The following GPC6 variants were observed in gnomAD, a reference collection of about 807,000 sequenced individuals.
The protein encoded by GPC6 is glypican 6, also known as glypican-6.
A neutral mutation model predicts 55.2 loss-of-function variants in GPC6; 14 were observed. The ratio of observed to expected loss-of-function variants is 0.25; its 90% CI spans 0.17 to 0.40. GPC6 has a LOEUF of 0.40. Among genes scored for constraint, GPC6 ranks in the 10% least tolerant of loss-of-function variants. The pLI, the probability that GPC6 is intolerant of heterozygous loss-of-function variation, is 1.00. For missense variants in GPC6, 641 were observed against 708.5 expected, an observed-to-expected ratio of 0.90 and a Z score of 1.08; for synonymous variants, 278 against 259.6, an observed-to-expected ratio of 1.07 and a Z score of -0.68.
intron 2 of GPC6, among the ~76,000 whole-genome samples, chr13:93,684,025 G>A (rs72641695): frequency 6.6e-6 from 1 of 152,094 alleles, no homozygotes; most frequent in Non-Finnish European, 1.5e-5. Context: ...CATTGATGAG[G>A]GCTCCATTCT....
intron 1 of GPC6, among the ~76,000 whole-genome samples, chr13:93,350,086 C>T (rs571239915): frequency 6.6e-4 from 101 of 152,090 alleles, no homozygotes; most frequent in African/African-American, 2.4e-3. Context: ...TAGGCTGATC[C>T]CAGGGAAGTA....
At chr13:94,372,934 G>A (rs540068902) in intron 6 of GPC6, among the ~76,000 whole-genome samples, 25 of 152,274 alleles carry the variant, frequency 1.6e-4, no homozygotes, top group Non-Finnish European at 2.9e-4. Flanking sequence ...TAACTGGGAG[G>A]CACCCCCCAG....
chr13:93,958,298 A>G (rs1879604050), intron 3 of GPC6, among the ~76,000 whole-genome samples: 2 of 152,020 alleles, frequency 1.3e-5, no homozygotes, highest in East Asian at 1.9e-4. Flanking sequence ...AAAGAAGAAT[A>G]TTTTCTAGGT....
At chr13:93,809,171 T>C (rs574607603) in intron 2 of GPC6, among the ~76,000 whole-genome samples, 88 of 152,276 alleles carry the variant, frequency 5.8e-4, no homozygotes, top group South Asian at 2.1e-4. Context: ...TTCTTTCCAC[T>C]CCTCAGATCT....
intron 2 of GPC6, among the ~76,000 whole-genome samples, chr13:93,707,741 G>A (rs1347165499): frequency 2.9e-4 from 44 of 151,828 alleles, no homozygotes; most frequent in Admixed American, 2.7e-3. Context: ...GTCATTCTGC[G>A]ATATGTAAGA....
intron 1 of GPC6, among the ~76,000 whole-genome samples, chr13:93,251,331 A>T (rs192079356): frequency 7.6e-4 from 116 of 152,320 alleles, no homozygotes; most frequent in African/African-American, 2.5e-3. Flanking sequence ...TACTAAAGAG[A>T]TGATGTAACA....
At chr13:93,533,503 A>G (rs1244392282) in intron 1 of GPC6, among the ~76,000 whole-genome samples, 2 of 152,182 alleles carry the variant, frequency 1.3e-5, no homozygotes, top group African/African-American at 4.8e-5. Flanking sequence ...GGGAATTTCA[A>G]TAATTCTAGG....
intron 4 of GPC6, among the ~76,000 whole-genome samples, chr13:94,236,998 C>T (rs1594085632): frequency 6.6e-6 from 1 of 151,524 alleles, no homozygotes; most frequent in African/African-American, 2.4e-5. Flanking sequence ...TGTTCACAGG[C>T]CTTAAAGGCA....
chr13:94,092,999 A>G (rs1885545715), intron 4 of GPC6, among the ~76,000 whole-genome samples: 1 of 152,088 alleles, frequency 6.6e-6, no homozygotes, highest in Non-Finnish European at 1.5e-5. Flanking sequence ...TAAGTTCCTT[A>G]TATATTTGGG....
intron 4 of GPC6, among the ~76,000 whole-genome samples, chr13:94,247,237 A>T (rs918527148): frequency 6.6e-6 from 1 of 152,122 alleles, no homozygotes; most frequent in African/African-American, 2.4e-5. Context: ...TAGATGTAAT[A>T]GTTGTTTGGT....
chr13:94,356,880 C>A (rs941559613), intron 6 of GPC6, among the ~76,000 whole-genome samples: 1 of 152,036 alleles, frequency 6.6e-6, no homozygotes, highest in African/African-American at 2.4e-5. Context: ...CTGGCCTGAA[C>A]AACAGAGTGA....
chr13:94,147,789 C>T (rs1434427929), intron 4 of GPC6, among the ~76,000 whole-genome samples: 2 of 152,142 alleles, frequency 1.3e-5, no homozygotes, highest in Non-Finnish European at 2.9e-5. Flanking sequence ...TAAGTGAATA[C>T]ATGCTCCACA....
chr13:94,104,223 G>A (rs1885972252), intron 4 of GPC6, among the ~76,000 whole-genome samples: 1 of 152,058 alleles, frequency 6.6e-6, no homozygotes, highest in Admixed American at 6.6e-5. Flanking sequence ...TGAGGGCTCT[G>A]TTCTGTTCCA....
intron 1 of GPC6, among the ~76,000 whole-genome samples, chr13:93,342,394 T>G (rs1281543817): frequency 6.6e-6 from 1 of 152,154 alleles, no homozygotes; most frequent in African/African-American, 2.4e-5. Context: ...AGCAAACCCA[T>G]GTCTTACATG....
At chr13:94,033,200 A>G (rs1046971717) in intron 4 of GPC6, among the ~76,000 whole-genome samples, 8 of 152,214 alleles carry the variant, frequency 5.3e-5, no homozygotes, top group Non-Finnish European at 8.8e-5. Context: ...TAAAAATCAC[A>G]TATCCCTGTT....
chr13:93,961,341 A>G (rs1594623204), intron 3 of GPC6, among the ~76,000 whole-genome samples: 1 of 152,240 alleles, frequency 6.6e-6, no homozygotes, highest in Non-Finnish European at 1.5e-5. Flanking sequence ...CTAAATTTAA[A>G]TAACAGTTGC....
intron 2 of GPC6, among the ~76,000 whole-genome samples, chr13:93,555,897 G>A (rs1289926947): frequency 6.6e-6 from 1 of 152,132 alleles, no homozygotes; most frequent in Non-Finnish European, 1.5e-5. Flanking sequence ...CTTAACACTG[G>A]CTTACGTGGA....
At chr13:93,660,040 T>A (rs1566473483) in intron 2 of GPC6, among the ~76,000 whole-genome samples, 1 of 152,228 alleles carries the variant, frequency 6.6e-6, no homozygotes, top group African/African-American at 2.4e-5. Flanking sequence ...ATTGCTATAA[T>A]CAGCATGGCA....
chr13:94,104,822 CA>C (rs1267489608), intron 4 of GPC6, among the ~76,000 whole-genome samples: 3 of 152,094 alleles, frequency 2.0e-5, no homozygotes, highest in Non-Finnish European at 2.9e-5. Flanking sequence ...AAAGAGGACA[CA>C]AACAAATGGA....
Sources: gnomAD v4.1 joint callset for allele counts (sites outside exome capture counted in the v4.1 genomes callset) on GRCh38, gnomAD v4.1.1 for gene constraint, MANE v1.5 for transcripts, NCBI Gene and HGNC (gene_info 2026-07-23, HGNC 2026-07-21) for gene names.